TANGO6: variants seen among roughly 807,000 people sequenced by gnomAD.
TANGO6 encodes the protein transport and Golgi organization protein 6 homolog.
Under a neutral mutation model 114.2 loss-of-function variants are expected in TANGO6, and 90 were observed. The ratio of observed to expected loss-of-function variants is 0.79; its 90% CI spans 0.66 to 0.94. TANGO6 has a LOEUF of 0.94. Ranked by LOEUF, TANGO6 falls within the 40% of genes least tolerant of loss-of-function variation. The probability of loss-of-function intolerance (pLI) is 0.00; values close to 1 mark genes in which losing one functional copy is unlikely to be tolerated. For synonymous variants in TANGO6, 477 were observed against 509.8 expected (o/e 0.94, Z 0.87); for missense variants, 1,274 against 1,315.3 (o/e 0.97, Z 0.49).
chr16:69,045,443 CAAAAAAA>C (rs1389960740), intron 17 of TANGO6, among the ~76,000 whole-genome samples: 1 of 53,960 alleles, frequency 1.9e-5, no homozygotes, highest in African/African-American at 6.9e-5. Flanking sequence ...GACTCCATCT[CAAAAAAA>C]AAAAAAAAAA....
At chr16:68,872,355 G>C (rs1962285506) in intron 4 of TANGO6, among the ~76,000 whole-genome samples, 1 of 150,922 alleles carries the variant, frequency 6.6e-6, no homozygotes, top group Admixed American at 6.6e-5. Flanking sequence ...AGGCTGGAGT[G>C]CAATGGCACG....
In TANGO6 at chr16:68,875,247, A is replaced by C. The variant is rs1363959181; in HGVS notation, c.1088A>C (p.Gln363Pro). 2 of 1,613,824 alleles carry C rather than the reference A, an allele frequency of 1.2e-6. No homozygotes were observed. The highest frequency in any genetic ancestry group is 1.7e-6 in the Non-Finnish European group (2 of 1,179,782). Residue 363 changes from glutamine (Q) to proline (P), a missense_variant, in exon 5 of 18, where the codon CAG becomes CCG. By Grantham distance (76) the Gln-to-Pro change is moderately conservative. Around this residue, in one of 5 missense-constraint regions of TANGO6, gnomAD observed 908 missense variants for 910.2 expected, o/e 1.00. Coordinates refer to ENST00000261778, the MANE Select transcript of TANGO6 (RefSeq NM_024562.2). The part of the protein sequence containing the change: ...IAKILASCPQ[Q>P]SLSPENYYRD... ...AAGATTTTGGCCTCTTGTCCCCAGC[A>C]GTCTCTTTCACCAGAGAATTACTAC...
At chr16:69,032,738 C>T (rs137990465) in intron 16 of TANGO6, among the ~76,000 whole-genome samples, 28 of 152,112 alleles carry the variant, frequency 1.8e-4, no homozygotes, top group African/African-American at 6.5e-4. Context: ...ATTAGTTGGG[C>T]ATGGTGGCAG....
rs189137005 is a variant in TANGO6, at chr16:68,879,430, C to G, written c.1295-1118C>G. ...CCAGGAGGTTGAGGTTGCAGTGAGCCATGATCACACAGTTCCACTCCAGAG... is the reference window on the plus strand; with the variant it reads ...CCAGGAGGTTGAGGTTGCAGTGAGCGATGATCACACAGTTCCACTCCAGAG... On this transcript the variant is annotated intron_variant, in intron 6 of 17. Coordinates refer to ENST00000261778, the MANE Select transcript of TANGO6 (RefSeq NM_024562.2). 7.2e-3 allele frequency among the ~76,000 whole-genome samples: 1,090 copies of G among 152,168 alleles called. 11 individuals carry two copies. The Middle Eastern group carries it at 0.11, about 15-fold the overall frequency.
chr16:68,912,276 T>C lies in TANGO6; in HGVS notation c.1992+2874T>C, dbSNP rs188352863. Among the ~76,000 whole-genome samples, 899 of 151,998 alleles carry C rather than the reference T, an allele frequency of 5.9e-3. 7 individuals are homozygous for C. Among genetic ancestry groups the C allele is most frequent in the Admixed American group, 0.011 (171 of 15,270 alleles). Reference sequence around the variant, plus strand: ...ACTTTGGGAGTCTGAAGCAGGAGGATTGCCTGAGCCCACGAGTTCGAGACC... The same window carrying C: ...ACTTTGGGAGTCTGAAGCAGGAGGACTGCCTGAGCCCACGAGTTCGAGACC... On this transcript the variant is annotated intron_variant, in intron 11 of 17. Transcript: ENST00000261778.
At chr16:68,921,281 C>G (rs1344775128) in intron 12 of TANGO6, among the ~76,000 whole-genome samples, 1 of 151,014 alleles carries the variant, frequency 6.6e-6, no homozygotes, top group African/African-American at 2.4e-5. Context: ...CTCCTGGGTT[C>G]AAGCAATTCT....
At chr16:69,074,477 C>G (rs952470008) in intron 17 of TANGO6, among the ~76,000 whole-genome samples, 1 of 151,964 alleles carries the variant, frequency 6.6e-6, no homozygotes, top group Admixed American at 6.6e-5. Context: ...CGTGTCCACC[C>G]TAGATACAAT....
At chr16:69,016,398 CAAA>C (rs879776587) in intron 15 of TANGO6, among the ~76,000 whole-genome samples, 2 of 124,192 alleles carry the variant, frequency 1.6e-5, no homozygotes, top group Admixed American at 8.4e-5. Flanking sequence ...AACTCCATCT[CAAA>C]AAAAAAAAAA....
rs369625487 is a variant in TANGO6 at position 68,928,670 on chromosome 16, A to C, written c.2643+587A>C. On this transcript the variant is annotated intron_variant, in intron 13 of 17. Coordinates refer to ENST00000261778, the MANE Select transcript of TANGO6 (RefSeq NM_024562.2). ...AGAGAAAGTTGAAATCTTCTGGAGG[A>C]TGTAGGCCTTAATATGGCCATAACA... Among the ~76,000 whole-genome samples the C allele has an allele frequency of 5.9e-5, 9 of 152,210 alleles. 1 individual carries two copies. Among genetic ancestry groups the C allele is most frequent in the Admixed American group, 2.0e-4 (3 of 15,280 alleles).
At chr16:69,067,815 T>C (rs1025477457) in intron 17 of TANGO6, among the ~76,000 whole-genome samples, 2 of 151,386 alleles carry the variant, frequency 1.3e-5, no homozygotes, top group Non-Finnish European at 2.9e-5. Flanking sequence ...CACATGACTG[T>C]AATCCCAGCT....
At chr16:68,853,843 C>T (rs1961941644) in intron 1 of TANGO6, among the ~76,000 whole-genome samples, 1 of 152,084 alleles carries the variant, frequency 6.6e-6, no homozygotes, top group East Asian at 1.9e-4. Flanking sequence ...GTAGTGGTAT[C>T]TCATTGTGGT....
At chr16:69,029,047 C>T (rs1218676833) in intron 16 of TANGO6, among the ~76,000 whole-genome samples, 1 of 152,078 alleles carries the variant, frequency 6.6e-6, no homozygotes, top group African/African-American at 2.4e-5. Flanking sequence ...ATTTTTGAAT[C>T]CCTAGACTGT....
intron 4 of TANGO6, among the ~76,000 whole-genome samples, chr16:68,873,357 A>G (rs983101398): frequency 6.6e-6 from 1 of 152,130 alleles, no homozygotes; most frequent in Non-Finnish European, 1.5e-5. Flanking sequence ...CTTGTCACCC[A>G]GGCTGGAGTG....
intron 9 of TANGO6, among the ~76,000 whole-genome samples, chr16:68,905,017 G>A (rs2152183606): frequency 6.6e-6 from 1 of 152,276 alleles, no homozygotes; most frequent in East Asian, 1.9e-4. Flanking sequence ...GAGGTCAAGA[G>A]TTTGAGACCA....
chr16:69,039,776 G>A (rs1272719984), intron 16 of TANGO6, among the ~76,000 whole-genome samples: 1 of 152,202 alleles, frequency 6.6e-6, no homozygotes, highest in African/African-American at 2.4e-5. Context: ...GGAATATCTG[G>A]ACATGCTGAA....
chr16:69,067,613 T>C (rs950023964), intron 17 of TANGO6, among the ~76,000 whole-genome samples: 1 of 142,678 alleles, frequency 7.0e-6, no homozygotes, highest in Non-Finnish European at 1.5e-5. Context: ...AGGTCAGGAG[T>C]TGGAGACCAG....
intron 16 of TANGO6, among the ~76,000 whole-genome samples, chr16:69,039,975 G>A (rs1249134595): frequency 6.6e-6 from 1 of 152,096 alleles, no homozygotes; most frequent in Admixed American, 6.6e-5. Flanking sequence ...TCTTAAAGGG[G>A]GACAATTAAC....
rs748027335 is a variant in TANGO6 at position 68,928,022 on chromosome 16, T to C, written c.2582T>C (p.Leu861Pro). The C allele has an allele frequency of 6.2e-7, 1 of 1,607,614 alleles. No individual in the cohort carries two copies. Residue 861 changes from leucine (L) to proline (P), a missense_variant, in exon 13 of 18, where the codon CTT (leucine) becomes CCT (proline). By Grantham distance (98) the Leu-to-Pro change is moderately conservative (BLOSUM62 -3). Transcript: ENST00000261778. ...ACACGGGCTGCTGCCCTGCGTACTC[T>C]TTCCCACTGGATAGAGCAGAGAGAA... ...IPTRAAALRT[L>P]SHWIEQREAK...
chr16:69,054,151 G>A (rs1422076813), intron 17 of TANGO6, among the ~76,000 whole-genome samples: 1 of 152,172 alleles, frequency 6.6e-6, no homozygotes, highest in Non-Finnish European at 1.5e-5. Context: ...AGAGAAGGAT[G>A]GAGGTCTCAC....
Sources: gnomAD v4.1 joint callset for allele counts (sites outside exome capture counted in the v4.1 genomes callset) on GRCh38, gnomAD v4.1.1 for gene constraint, gnomAD v4.1.1 regional missense constraint, MANE v1.5 for transcripts, NCBI Gene and HGNC (gene_info 2026-07-23, HGNC 2026-07-21) for gene names.